Variants in ZNF107 observed in about 807,000 individuals in gnomAD.
The protein encoded by ZNF107 is zinc finger protein 107, also known as C2H2 type zinc-finger protein.
A neutral mutation model predicts 12.3 loss-of-function variants in ZNF107; 19 were observed. The observed-to-expected ratio is 1.55, with a 90% CI of 1.08 to 2.27. ZNF107 has a LOEUF of 2.27. Among genes scored for constraint, ZNF107 ranks in the 30% most tolerant of loss-of-function variants. The probability of loss-of-function intolerance (pLI) is 0.00; values close to 1 mark genes in which losing one functional copy is unlikely to be tolerated. For synonymous variants in ZNF107, 317 were observed against 330.5 expected (o/e 0.96, Z 0.44); for missense variants, 958 against 979.9 (o/e 0.98, Z 0.30).
At chr7:64,687,453 A>G (rs1339179879) in intron 1 of ZNF107, 1 of 985,276 alleles carries the variant, frequency 1.0e-6, no homozygotes, top group Admixed American at 6.2e-5. Context: ...TTGGGGTTAT[A>G]TATAGGGTGC....
intron 3 of ZNF107, among the ~76,000 whole-genome samples, chr7:64,697,939 C>CA (rs1302192551): frequency 6.6e-6 from 1 of 152,164 alleles, no homozygotes; most frequent in Non-Finnish European, 1.5e-5. Context: ...CTCGGCCTCC[C>CA]AAAGTGCTGG....
intron 1 of ZNF107, among the ~76,000 whole-genome samples, chr7:64,672,487 G>C (rs1789270113): frequency 6.6e-6 from 1 of 152,094 alleles, no homozygotes; most frequent in Admixed American, 6.6e-5. Context: ...CCTCCAAGTA[G>C]CTGGAACTAC....
At chr7:64,690,114 G>C (rs1180908264) in intron 1 of ZNF107, 3 of 153,954 alleles carry the variant, frequency 1.9e-5, no homozygotes, top group African/African-American at 7.2e-5. Context: ...GTGGGAAAAC[G>C]TGTGGGCTTT....
chr7:64,666,867 C>T (rs1158440963), intron 1 of ZNF107, among the ~76,000 whole-genome samples: 2 of 150,066 alleles, frequency 1.3e-5, no homozygotes, highest in Non-Finnish European at 3.0e-5. Context: ...GGAAAGCAAA[C>T]TCAATAATTG....
At chr7:64,682,854 G>A (rs544841636) in intron 1 of ZNF107, among the ~76,000 whole-genome samples, 1 of 152,064 alleles carries the variant, frequency 6.6e-6, no homozygotes, top group South Asian at 2.1e-4. Context: ...CATTGCTCTT[G>A]GACCCAGTTT....
intron 1 of ZNF107, among the ~76,000 whole-genome samples, chr7:64,666,936 G>A (rs147890774): frequency 3.9e-5 from 5 of 127,766 alleles, no homozygotes; most frequent in Non-Finnish European, 4.7e-5. Context: ...TTCTGGTCAC[G>A]TAATCAGAGC....
chr7:64,692,030 T>A, intron 3 of ZNF107, 70 bp downstream of exon 3: 1 of 1,065,968 alleles, frequency 9.4e-7, no homozygotes, highest in Non-Finnish European at 1.3e-6. Flanking sequence ...AAAAAGCCAG[T>A]CCTTAAAATA....
intron 1 of ZNF107, among the ~76,000 whole-genome samples, chr7:64,667,951 C>CAAAA (rs56005729): frequency 8.0e-4 from 111 of 138,890 alleles, no homozygotes; most frequent in African/African-American, 2.6e-3. Flanking sequence ...TTCCAGAAGA[C>CAAAA]AAAAAAAAAA....
Position 64,672,732 on chromosome 7 carries a change from A to G in ZNF107, c.3+6447A>G, listed in dbSNP as rs577978291. Among the ~76,000 whole-genome samples the G allele has an allele frequency of 1.8e-4, 28 of 152,266 alleles. No homozygotes were observed. In the South Asian group the frequency reaches 5.6e-3, roughly 30 times the overall value. On this transcript the variant is annotated intron_variant, in intron 1 of 3. Coordinates refer to ENST00000620827, the MANE Select transcript of ZNF107 (RefSeq NM_001282359.2). ...TTGATTCCGTATCTTTGCTATGTGA[A>G]TAGTGCTGCAGTGAACATGCATGTG... is the stretch of plus-strand genomic sequence containing the variant.
chr7:64,697,077 T>C (rs1322607983), intron 3 of ZNF107, among the ~76,000 whole-genome samples: 1 of 152,082 alleles, frequency 6.6e-6, no homozygotes, highest in Non-Finnish European at 1.5e-5. Context: ...GTTTGGTTTT[T>C]TGTCCTTGCG....
At chr7:64,690,329 G>A in intron 1 of ZNF107, 1 of 980,928 alleles carries the variant, frequency 1.0e-6, no homozygotes, top group Non-Finnish European at 1.2e-6. Context: ...GGGTTGAGCA[G>A]AGTAATATAT....
In ZNF107 at chr7:64,708,945, A is replaced by G. The variant is rs943830342; in HGVS notation, c.*289A>G. 5.8e-6 allele frequency: 3 copies of G among 515,078 alleles called. No homozygotes were observed. The highest frequency in any genetic ancestry group is 1.9e-5 in the African/African-American group (1 of 51,990). The allele number at this position is 515,078 out of a possible 1,614,324, so 31.9% of individuals were successfully genotyped here. ...TTTTACTAAACATAAGGTAATTCATACTGGAGAAAAGCCATACAAATGAGA... is the reference window on the plus strand; with the variant it reads ...TTTTACTAAACATAAGGTAATTCATGCTGGAGAAAAGCCATACAAATGAGA... On this transcript the variant is annotated 3_prime_UTR_variant, in exon 4 of 4. Coordinates refer to ENST00000620827, the MANE Select transcript of ZNF107 (RefSeq NM_001282359.2).
chr7:64,671,780 T>TTC (rs2128955937), intron 1 of ZNF107, among the ~76,000 whole-genome samples: 1 of 109,698 alleles, frequency 9.1e-6, no homozygotes, highest in African/African-American at 4.1e-5. Context: ...CTTTTTGTTC[T>TTC]TTTTTTTTTT....
intron 1 of ZNF107, chr7:64,689,316 A>G (rs1345071978): frequency 6.6e-6 from 1 of 152,152 alleles, no homozygotes; most frequent in African/African-American, 2.4e-5. Flanking sequence ...CAGAAAACCA[A>G]CAGGAGACAT....
At chr7:64,672,117 C>T (rs192938320) in intron 1 of ZNF107, among the ~76,000 whole-genome samples, 1 of 152,038 alleles carries the variant, frequency 6.6e-6, no homozygotes, top group Non-Finnish European at 1.5e-5. Flanking sequence ...ACCTTCCACC[C>T]TCAGCTAGGC....
At chr7:64,669,821 A>G (rs2128955421) in intron 1 of ZNF107, among the ~76,000 whole-genome samples, 1 of 152,330 alleles carries the variant, frequency 6.6e-6, no homozygotes, top group South Asian at 2.1e-4. Context: ...CTTCCCATAT[A>G]TAAATACTGT....
Position 64,709,553 on chromosome 7 carries a change from A to G in ZNF107, c.*897A>G. 2 of 376,930 alleles carry G rather than the reference A, an allele frequency of 5.3e-6. No homozygotes were observed. The highest frequency in any genetic ancestry group is 3.8e-5 in the South Asian group (2 of 52,938). The allele number at this position is 376,930 out of a possible 1,614,324, so 23.3% of individuals were successfully genotyped here. A position where few individuals can be genotyped will look rare whatever the true frequency, so the allele number is the denominator to read the frequency against. On this transcript the variant is annotated 3_prime_UTR_variant, in exon 4 of 4. Coordinates refer to ENST00000620827, the MANE Select transcript of ZNF107 (RefSeq NM_001282359.2). ...CCTAGAAATGTGAAAAATATCACAA[A>G]GCCTTTAAATGGTTGTCACACTTGA...
intron 3 of ZNF107, among the ~76,000 whole-genome samples, chr7:64,692,463 CT>C (rs1302570349): frequency 1.3e-5 from 2 of 151,978 alleles, no homozygotes; most frequent in Admixed American, 6.6e-5. Flanking sequence ...TGTTCTTCTG[CT>C]TTGTTCTTTT....
At chr7:64,704,108 T>G (rs954558964) in intron 3 of ZNF107, among the ~76,000 whole-genome samples, 2 of 150,346 alleles carry the variant, frequency 1.3e-5, no homozygotes, top group Non-Finnish European at 2.9e-5. Context: ...ATTTATATGT[T>G]GTATATTCAT....
Sources: allele counts gnomAD v4.1 joint callset (sites outside exome capture counted in the v4.1 genomes callset), GRCh38; gene constraint gnomAD v4.1.1; transcripts MANE v1.5; gene names NCBI Gene and HGNC (gene_info 2026-07-23, HGNC 2026-07-21).